Variants in CRABP2 observed in about 807,000 individuals in gnomAD.
CRABP2 encodes the protein cellular retinoic acid-binding protein 2.
CRABP2 carries 20 observed loss-of-function variants against 17.9 expected under a neutral mutation model. The ratio of observed to expected loss-of-function variants is 1.12; its 90% CI spans 0.79 to 1.63. CRABP2 has a LOEUF of 1.63. Among genes scored for constraint, CRABP2 ranks in the 40% most tolerant of loss-of-function variants. The pLI, the probability that CRABP2 is intolerant of heterozygous loss-of-function variation, is 0.00. For synonymous variants in CRABP2, 76 were observed against 66.4 expected, an observed-to-expected ratio of 1.14 and a Z score of -0.70; for missense variants, 151 against 168.6, an observed-to-expected ratio of 0.90 and a Z score of 0.58.
rs1375214615 is a variant in CRABP2 at position 156,700,200 on chromosome 1, C to T, written c.367-124G>A. ...CCAAACCTGCTTCTTGGCTCAAGAC[C>T]AACAGGCAGGAGCTGGTCCCAGAAT... On this transcript the variant is annotated intron_variant, in intron 3 of 3. Transcript: ENST00000368222. 18 of 955,350 alleles carry T rather than the reference C, an allele frequency of 1.9e-5. No homozygotes were observed. The Admixed American group carries it at 2.5e-4, about 13-fold the overall frequency. The allele number at this position is 955,350 out of a possible 1,614,324, so 59.2% of individuals were successfully genotyped here. A position where few individuals can be genotyped will look rare whatever the true frequency, so the allele number is the denominator to read the frequency against.
intron 1 of CRABP2, among the ~76,000 whole-genome samples, chr1:156,704,936 G>A (rs987194089): frequency 1.3e-5 from 2 of 152,110 alleles, no homozygotes; most frequent in African/African-American, 4.8e-5. Context: ...GGTTACCGAG[G>A]GGGGCACCGG....
chr1:156,705,562 G>T lies in CRABP2; in HGVS notation c.-116C>A. 8.6e-7 allele frequency: 1 copy of T among 1,165,126 alleles called. No homozygotes were observed. The highest frequency in any genetic ancestry group is 1.3e-6 in the Non-Finnish European group (1 of 796,364). The allele number at this position is 1,165,126 out of a possible 1,614,324, so 72.2% of individuals were successfully genotyped here. A position where few individuals can be genotyped will look rare whatever the true frequency, so the allele number is the denominator to read the frequency against. On this transcript the variant is annotated 5_prime_UTR_variant, in exon 1 of 4. Transcript: ENST00000368222. This position sits in a 1 kb window ranked among gnomAD's most constrained non-coding sequence, Gnocchi z 5.2. ...TCGTCAGGTTCTGGAACCAAGACAA[G>T]TCCAGGGACAACCCCAAAGCTGGCC... is the stretch of plus-strand genomic sequence containing the variant.
At chr1:156,700,851 C>T in intron 2 of CRABP2, 23 bp downstream of exon 2, 1 of 1,609,634 alleles carries the variant, frequency 6.2e-7, no homozygotes, top group Non-Finnish European at 8.5e-7. Context: ...CGCCATGACC[C>T]TGGAGCCCCT....
intron 1 of CRABP2, among the ~76,000 whole-genome samples, chr1:156,703,166 G>A (rs1198333066): frequency 6.6e-6 from 1 of 152,040 alleles, no homozygotes; most frequent in Non-Finnish European, 1.5e-5. Context: ...TCTGCTGTGA[G>A]AAGAAGGAAT....
intron 2 of CRABP2, 96 bp downstream of exon 2, chr1:156,700,778 C>A (rs1009527746): frequency 1.3e-6 from 2 of 1,532,552 alleles, no homozygotes; most frequent in Non-Finnish European, 9.0e-7. Flanking sequence ...CCTACTGGGA[C>A]AGAGAGAAGC....
rs1254739618 is a variant in CRABP2, at chr1:156,705,402, G to A, written c.45C>T (p.Asn15=). The A allele has an allele frequency of 6.2e-7, 1 of 1,614,036 alleles. No homozygotes were observed. Among genetic ancestry groups the A allele is most frequent in the African/African-American group, 1.3e-5 (1 of 74,914 alleles). Residue 15 remains asparagine (N), a synonymous_variant, in exon 1 of 4, where the codon AAC becomes AAT. Transcript: ENST00000368222. This position sits in a 1 kb window ranked among gnomAD's most constrained non-coding sequence, Gnocchi z 5.2. Reference sequence around the variant, plus strand: ...CCAGCACTTTGAGCAATTCCTCGAAGTTTTCCGATCGGATGATTTTCCAGT... The same window carrying A: ...CCAGCACTTTGAGCAATTCCTCGAAATTTTCCGATCGGATGATTTTCCAGT... ...SGNWKIIRSE[N]FEELLKVLGV... is the part of the protein sequence containing the mutation.
At position 156,704,971 on chromosome 1, in the gene CRABP2, C is replaced by A. The variant is rs541341889; in HGVS notation, c.70+406G>T. Among the ~76,000 whole-genome samples the A allele has an allele frequency of 1.4e-4, 22 of 152,236 alleles. 1 individual carries two copies. In the South Asian group the frequency reaches 4.6e-3, roughly 32 times the overall value. On this transcript the variant is annotated intron_variant, in intron 1 of 3. Transcript: ENST00000368222. ...GGAAGGAGATTGGAATGTCTCCGAG[C>A]GGCTGGGCAGGGTAGGGAACCGGGC...
chr1:156,703,031 TAAA>T (rs5778001), intron 1 of CRABP2, among the ~76,000 whole-genome samples: 24 of 86,202 alleles, frequency 2.8e-4, no homozygotes, highest in South Asian at 8.4e-4. Context: ...ACCCTACCAC[TAAA>T]AAAAAAAAAA....
At chr1:156,705,707 A>C, upstream of CRABP2, 3 of 455,416 alleles carry the variant, frequency 6.6e-6, no homozygotes, top group East Asian at 3.4e-5. This position sits in a 1 kb window ranked among gnomAD's most constrained non-coding sequence, Gnocchi z 5.2. Flanking sequence ...CCCGCCACCA[A>C]CCTCTGGATC....
chr1:156,705,649 T>G (rs899238032), upstream of CRABP2: 6 of 487,576 alleles, frequency 1.2e-5, no homozygotes, highest in East Asian at 3.2e-5. The surrounding 1 kb of genome is among the most constrained non-coding windows in gnomAD (Gnocchi z 5.2). Context: ...AGGATTGAAG[T>G]GGCCCCGCCT....
chr1:156,705,392 A>G lies in CRABP2; in HGVS notation c.55T>C (p.Leu19=), dbSNP rs978559038. ...KIIRSENFEE[L]LKVLGVNVML... ...ATTTCCTTACCCAGCACTTTGAGCAATTCCTCGAAGTTTTCCGATCGGATG... is the reference window on the plus strand; with the variant it reads ...ATTTCCTTACCCAGCACTTTGAGCAGTTCCTCGAAGTTTTCCGATCGGATG... The change falls in exon 1 of 4, where the codon TTG becomes CTG. Residue 19 remains leucine (L), a synonymous_variant. Coordinates refer to ENST00000368222, the MANE Select transcript of CRABP2 (RefSeq NM_001878.4). The surrounding 1 kb of genome is among the most constrained non-coding windows in gnomAD (Gnocchi z 5.2). The G allele has an allele frequency of 1.9e-6, 3 of 1,614,004 alleles. No individual in the cohort carries two copies. The highest frequency in any genetic ancestry group is 1.7e-5 in the Admixed American group (1 of 60,006).
At position 156,700,050 on chromosome 1, in the gene CRABP2, G is replaced by A. The variant is rs753925089; in HGVS notation, c.393C>T (p.Cys131=). 2.7e-5 allele frequency: 44 copies of A among 1,613,546 alleles called. No homozygotes were observed. Among genetic ancestry groups the A allele is most frequent in the Non-Finnish European group, 3.6e-5 (42 of 1,179,794 alleles). Residue 131 remains cysteine, a synonymous_variant, in exon 4 of 4, where the codon TGC becomes TGT. Coordinates refer to ENST00000368222, the MANE Select transcript of CRABP2 (RefSeq NM_001878.4). ...ILTMTADDVV[C]TRVYVRE ...CTCACTCTCGGACGTAGACCCTGGTGCACACAACGTCATCCGCCGTCATGG... is the reference window on the plus strand; with the variant it reads ...CTCACTCTCGGACGTAGACCCTGGTACACACAACGTCATCCGCCGTCATGG...
In CRABP2 at chr1:156,699,888, C is replaced by A; in HGVS notation, c.*138G>T. ...AAAGAAAGCAAGACCCTGCAAGAGG[C>A]ATCCCAGTGACCCCCAGAAGTGACT... On this transcript the variant is annotated 3_prime_UTR_variant, in exon 4 of 4. Transcript: ENST00000368222. 7 of 809,962 alleles carry A rather than the reference C, an allele frequency of 8.6e-6. No individual in the cohort carries two copies. The highest frequency in any genetic ancestry group is 4.0e-6 in the Non-Finnish European group (2 of 502,410). The allele number at this position is 809,962 out of a possible 1,614,324, so 50.2% of individuals were successfully genotyped here. A position where few individuals can be genotyped will look rare whatever the true frequency, so the allele number is the denominator to read the frequency against.
At chr1:156,705,627 C>T, upstream of CRABP2, 1 of 586,168 alleles carries the variant, frequency 1.7e-6, no homozygotes, top group Admixed American at 3.0e-5. The surrounding 1 kb of genome is among the most constrained non-coding windows in gnomAD (Gnocchi z 5.2). Context: ...CTGTACGGAA[C>T]CGCCCCTGCC....
intron 1 of CRABP2, among the ~76,000 whole-genome samples, chr1:156,703,739 A>G (rs1034739108): frequency 2.0e-5 from 3 of 152,208 alleles, no homozygotes; most frequent in Admixed American, 6.5e-5. Context: ...AAGAAATGAC[A>G]GGTCCCCAAG....
chr1:156,701,109 C>A, intron 1 of CRABP2, 57 bp from the exon 2 acceptor site: 1 of 1,573,856 alleles, frequency 6.4e-7, no homozygotes, highest in Admixed American at 1.7e-5. Flanking sequence ...CTCTCTCACA[C>A]CCTCCCCATA....
rs1382558282 is a variant in CRABP2 at position 156,705,564 on chromosome 1, C to A, written c.-118G>T. ...GTCAGGTTCTGGAACCAAGACAAGT[C>A]CAGGGACAACCCCAAAGCTGGCCTG... On this transcript the variant is annotated 5_prime_UTR_variant, in exon 1 of 4. Transcript: ENST00000368222. The surrounding 1 kb of genome is among the most constrained non-coding windows in gnomAD (Gnocchi z 5.2). 9 of 1,109,046 alleles carry A rather than the reference C, an allele frequency of 8.1e-6. No individual in the cohort carries two copies. The highest frequency in any genetic ancestry group is 1.2e-5 in the Non-Finnish European group (9 of 747,512). The allele number at this position is 1,109,046 out of a possible 1,614,324, so 68.7% of individuals were successfully genotyped here.
In CRABP2 at chr1:156,700,939, T is replaced by TG. The variant is rs770745391; in HGVS notation, c.183dup (p.Thr62HisfsTer4). On this transcript the variant is annotated frameshift_variant, in exon 2 of 4. Coordinates refer to ENST00000368222, the MANE Select transcript of CRABP2 (RefSeq NM_001878.4). LOFTEE classifies it high-confidence loss of function. ...TCCCCAACCTTGAAGTTAATCTCTG[T>TG]GGTGCGCACGGTGGTGGAGGTTTTG... 1 of 1,614,194 alleles carries TG rather than the reference T, an allele frequency of 6.2e-7. No individual in the cohort carries two copies. Among genetic ancestry groups the TG allele is most frequent in the African/African-American group, 1.3e-5 (1 of 75,044 alleles).
At position 156,700,524 on chromosome 1, in the gene CRABP2, G is replaced by T. The variant is rs1298541251; in HGVS notation, c.366+18C>A. The stretch of plus-strand genomic sequence containing the variant: ...GTAGCACTGGGTTTGCTATTAGTGG[G>T]GAGGAGGCAGGACTTACCAGGATCA... On this transcript the variant is annotated intron_variant, in intron 3 of 3. Transcript: ENST00000368222. The T allele has an allele frequency of 6.3e-7, 1 of 1,589,168 alleles. No individual in the cohort carries two copies. Among genetic ancestry groups the T allele is most frequent in the East Asian group, 2.2e-5 (1 of 44,760 alleles).
Sources: gnomAD v4.1 joint callset for allele counts (sites outside exome capture counted in the v4.1 genomes callset) on GRCh38, gnomAD v4.1.1 for gene constraint, Gnocchi (gnomAD v3.1) non-coding constraint, MANE v1.5 for transcripts, NCBI Gene and HGNC (gene_info 2026-07-23, HGNC 2026-07-21) for gene names.